The following ZFAND3 variants were observed in gnomAD, a reference collection of about 807,000 sequenced individuals.
ZFAND3 encodes zinc finger AN1-type containing 3, also known as AN1-type zinc finger protein 3.
Under a neutral mutation model 29.6 loss-of-function variants are expected in ZFAND3, and 10 were observed. That is an observed-to-expected ratio of 0.34 (90% CI 0.21 to 0.57). The LOEUF (loss-of-function observed/expected upper bound fraction) is 0.57, where lower values mean the gene tolerates loss of function less well. Among genes scored for constraint, ZFAND3 ranks in the 20% least tolerant of loss-of-function variants. The pLI, the probability that ZFAND3 is intolerant of heterozygous loss-of-function variation, is 0.86. For synonymous variants in ZFAND3, 128 were observed against 112.6 expected (o/e 1.14, Z -0.87); for missense variants, 230 against 304.5 (o/e 0.76, Z 1.82).
chr6:37,893,318 A>C (rs193022530), intron 1 of ZFAND3, among the ~76,000 whole-genome samples: 18 of 152,348 alleles, frequency 1.2e-4, no homozygotes, highest in African/African-American at 4.3e-4. Flanking sequence ...ACATCAACAG[A>C]ATGAAAAACA....
chr6:37,872,819 A>G (rs1251386635), intron 1 of ZFAND3, among the ~76,000 whole-genome samples: 2 of 152,254 alleles, frequency 1.3e-5, no homozygotes, highest in Non-Finnish European at 1.5e-5. Flanking sequence ...GCTATTCCAC[A>G]AAGTACTGCT....
chr6:38,026,985 T>C (rs992900272), intron 2 of ZFAND3, among the ~76,000 whole-genome samples: 7 of 152,206 alleles, frequency 4.6e-5, no homozygotes, highest in African/African-American at 1.7e-4. Context: ...ACTGACTTTT[T>C]TTGGTGGGGG....
intron 2 of ZFAND3, among the ~76,000 whole-genome samples, chr6:38,033,455 A>G (rs1763599739): frequency 2.0e-5 from 3 of 152,070 alleles, no homozygotes; most frequent in Admixed American, 2.0e-4. Context: ...ATTTATTGCA[A>G]CCTTCCCCTC....
intron 2 of ZFAND3, among the ~76,000 whole-genome samples, chr6:37,955,932 A>G (rs1762079170): frequency 6.6e-6 from 1 of 152,212 alleles, no homozygotes; most frequent in Admixed American, 6.5e-5. Flanking sequence ...GTCACTGAAC[A>G]GAATAAGAAA....
intron 1 of ZFAND3, among the ~76,000 whole-genome samples, chr6:37,911,527 T>G (rs1450238848): frequency 2.0e-5 from 3 of 152,244 alleles, no homozygotes; most frequent in African/African-American, 7.2e-5. Context: ...TTTCCTTTTC[T>G]TTGTATAATC....
chr6:37,928,690 A>G (rs1422792342), intron 1 of ZFAND3, among the ~76,000 whole-genome samples: 3 of 151,542 alleles, frequency 2.0e-5, no homozygotes, highest in Admixed American at 6.6e-5. Context: ...AATTTTTTCT[A>G]TTTTTAGTAG....
intron 5 of ZFAND3, among the ~76,000 whole-genome samples, chr6:38,144,185 ATATATATATATATATATATATATAT>A (rs1766027263): frequency 5.9e-4 from 2 of 3,362 alleles, no homozygotes; most frequent in Admixed American, 2.7e-3. Flanking sequence ...TATATATATA[ATATATATATATATATATATATATAT>A]AATATATAAT....
chr6:38,058,640 G>T (rs1764177311), intron 2 of ZFAND3, among the ~76,000 whole-genome samples: 1 of 152,146 alleles, frequency 6.6e-6, no homozygotes, highest in Non-Finnish European at 1.5e-5. Flanking sequence ...TGACATGGAG[G>T]TCTCTTTCTT....
chr6:38,047,971 TTG>T (rs1454494795), intron 2 of ZFAND3, among the ~76,000 whole-genome samples: 464 of 131,978 alleles, frequency 3.5e-3, no homozygotes, highest in African/African-American at 0.01. Context: ...TGGGTTTTTT[TTG>T]TTTTTTTTTT....
intron 2 of ZFAND3, among the ~76,000 whole-genome samples, chr6:37,992,306 G>C (rs529515867): frequency 6.6e-6 from 1 of 152,304 alleles, no homozygotes; most frequent in South Asian, 2.1e-4. Flanking sequence ...ATTTGGGTGT[G>C]TTTGGCAATA....
chr6:38,133,698 C>T (rs1490116160), intron 5 of ZFAND3, among the ~76,000 whole-genome samples: 1 of 151,142 alleles, frequency 6.6e-6, no homozygotes, highest in South Asian at 2.1e-4. Context: ...TGCAGTGAGC[C>T]GAGATCACGC....
intron 2 of ZFAND3, among the ~76,000 whole-genome samples, chr6:37,983,343 C>CTTTTTTTTTTTTTTTTT (rs70981516): frequency 3.0e-4 from 15 of 50,048 alleles, no homozygotes; most frequent in African/African-American, 9.7e-4. Context: ...CAGTTTTTAT[C>CTTTTTTTTTTTTTTTTT]TTTTTTTTTT....
chr6:38,097,141 T>C lies in ZFAND3; in HGVS notation c.361+14684T>C, dbSNP rs931427532. 7.2e-5 allele frequency among the ~76,000 whole-genome samples: 11 copies of C among 152,234 alleles called. 1 individual carries two copies. The highest frequency in any genetic ancestry group is 3.3e-4 in the Admixed American group (5 of 15,280). On this transcript the variant is annotated intron_variant, in intron 4 of 5. Coordinates refer to ENST00000287218, the MANE Select transcript of ZFAND3 (RefSeq NM_021943.3). ...CCTAGTCTGGAGTGCAGTGGCGTGA[T>C]CACCGCTCACTGCAGCCTTGACCTC...
chr6:38,063,554 G>A (rs541148504), intron 3 of ZFAND3, among the ~76,000 whole-genome samples: 172 of 152,306 alleles, frequency 1.1e-3, no homozygotes, highest in African/African-American at 4.0e-3. Flanking sequence ...CTGTTGAAGG[G>A]CATTGACCTA....
intron 2 of ZFAND3, among the ~76,000 whole-genome samples, chr6:38,033,327 TA>T (rs781023734): frequency 1.8e-4 from 28 of 152,196 alleles, no homozygotes; most frequent in Admixed American, 6.5e-5. Context: ...CAATCTTCAT[TA>T]TTTTTTTAAA....
chr6:37,995,005 G>T (rs575089049), intron 2 of ZFAND3, among the ~76,000 whole-genome samples: 1 of 152,214 alleles, frequency 6.6e-6, no homozygotes, highest in Non-Finnish European at 1.5e-5. Flanking sequence ...GTTCCAGGCA[G>T]TGTGTAGCAG....
At chr6:37,921,505 T>A (rs1308207026) in intron 1 of ZFAND3, among the ~76,000 whole-genome samples, 1 of 152,024 alleles carries the variant, frequency 6.6e-6, no homozygotes, top group Non-Finnish European at 1.5e-5. Context: ...TATATTAAAA[T>A]AGTTTTTTGC....
chr6:38,033,398 G>T (rs1234107887), intron 2 of ZFAND3, among the ~76,000 whole-genome samples: 3 of 152,042 alleles, frequency 2.0e-5, no homozygotes, highest in Non-Finnish European at 2.9e-5. Context: ...AGCTAGAGTT[G>T]ATGTCATTGC....
At chr6:37,836,422 A>C (rs1020006975) in intron 1 of ZFAND3, among the ~76,000 whole-genome samples, 8 of 152,202 alleles carry the variant, frequency 5.3e-5, no homozygotes, top group Admixed American at 5.2e-4. Flanking sequence ...TAGGAGGTAA[A>C]TCAGGTGAGT....
Sources: gnomAD v4.1 joint callset for allele counts (sites outside exome capture counted in the v4.1 genomes callset) on GRCh38, gnomAD v4.1.1 for gene constraint, MANE v1.5 for transcripts, NCBI Gene and HGNC (gene_info 2026-07-23, HGNC 2026-07-21) for gene names.